CHIA: variants seen among roughly 807,000 people sequenced by gnomAD.
CHIA encodes the protein acidic mammalian chitinase.
CHIA carries 47 observed loss-of-function variants against 53.5 expected under a neutral mutation model. The observed-to-expected ratio is 0.88, with a 90% CI of 0.70 to 1.12. The LOEUF is 1.12. CHIA is among the 50% of genes most tolerant of loss of function. CHIA has a pLI of 0.00. For synonymous variants in CHIA, 268 were observed against 222.2 expected, an observed-to-expected ratio of 1.21 and a Z score of -1.83; for missense variants, 652 against 592.2, an observed-to-expected ratio of 1.10 and a Z score of -1.05.
chr1:111,315,878 T>G, intron 6 of CHIA: 1 of 442,768 alleles, frequency 2.3e-6, no homozygotes, highest in South Asian at 1.6e-5. Flanking sequence ...ACTGAGTACA[T>G]ATTCTGTGGC....
At chr1:111,315,629 T>C in intron 6 of CHIA, 194 bp downstream of exon 6, 1 of 606,546 alleles carries the variant, frequency 1.6e-6, no homozygotes, top group Non-Finnish European at 2.9e-6. Context: ...GTGAGCTCTG[T>C]GCCAGGCACT....
intron 1 of CHIA, among the ~76,000 whole-genome samples, chr1:111,291,836 G>GC (rs1163796998): frequency 6.6e-6 from 1 of 150,686 alleles, no homozygotes; most frequent in African/African-American, 2.5e-5. Context: ...CTGTCGGGGG[G>GC]GGGTGGGGGT....
intron 2 of CHIA, among the ~76,000 whole-genome samples, chr1:111,311,180 A>G (rs192240652): frequency 6.6e-6 from 1 of 152,350 alleles, no homozygotes; most frequent in Non-Finnish European, 1.5e-5. Flanking sequence ...ATTGCTTTGT[A>G]GAAGTCAGGG....
At chr1:111,304,528 T>C (rs1322705696) in intron 1 of CHIA, among the ~76,000 whole-genome samples, 2 of 152,212 alleles carry the variant, frequency 1.3e-5, no homozygotes, top group African/African-American at 4.8e-5. Context: ...CCCTTGAACC[T>C]TTCTAGTAAG....
chr1:111,310,779 T>C (rs1241616110), intron 2 of CHIA, among the ~76,000 whole-genome samples: 1 of 152,228 alleles, frequency 6.6e-6, no homozygotes, highest in Non-Finnish European at 1.5e-5. Flanking sequence ...TCATCTTTTG[T>C]TCAGCCATTC....
At chr1:111,298,128 C>T (rs934527918) in intron 1 of CHIA, among the ~76,000 whole-genome samples, 4 of 152,128 alleles carry the variant, frequency 2.6e-5, no homozygotes, top group African/African-American at 7.2e-5. Flanking sequence ...GACTTAGACT[C>T]CCACACAATA....
At chr1:111,294,795 T>C (rs1661240380) in intron 1 of CHIA, among the ~76,000 whole-genome samples, 1 of 152,244 alleles carries the variant, frequency 6.6e-6, no homozygotes, top group Admixed American at 6.5e-5. Flanking sequence ...GAGATGATTA[T>C]GCCATTTTTT....
chr1:111,304,981 C>A (rs1216283906), intron 1 of CHIA, among the ~76,000 whole-genome samples: 1 of 151,998 alleles, frequency 6.6e-6, no homozygotes, highest in Non-Finnish European at 1.5e-5. Context: ...TCAGGCTGGC[C>A]TCAAACTACT....
In CHIA at chr1:111,290,938, C is replaced by T. The variant is rs1660975679; in HGVS notation, c.-81C>T. The T allele has an allele frequency of 4.3e-6, 2 of 465,852 alleles. No individual in the cohort carries two copies. The highest frequency in any genetic ancestry group is 8.8e-6 in the Non-Finnish European group (2 of 226,254). The allele number at this position is 465,852 out of a possible 1,614,324, so 28.9% of individuals were successfully genotyped here. A position where few individuals can be genotyped will look rare whatever the true frequency, so the allele number is the denominator to read the frequency against. Reference sequence around the variant, plus strand: ...GTTGCTTTCCAGTCTGGTGGTGAATCCTCCATAGTCTGGTGAGTGTAAATA... The same window carrying T: ...GTTGCTTTCCAGTCTGGTGGTGAATTCTCCATAGTCTGGTGAGTGTAAATA... On this transcript the variant is annotated 5_prime_UTR_variant, in exon 1 of 12. Transcript: ENST00000369740.
Position 111,302,967 on chromosome 1 carries a change from G to A in CHIA, c.-68-7433G>A, listed in dbSNP as rs1297855891. Among the ~76,000 whole-genome samples, 4 of 152,082 alleles carry A rather than the reference G, an allele frequency of 2.6e-5. No individual in the cohort carries two copies. In the East Asian group the frequency reaches 5.8e-4, roughly 22 times the overall value. On this transcript the variant is annotated intron_variant, in intron 1 of 11. Transcript: ENST00000369740. ...GGTACATAAATGTTTGTAATTGTTCGATTCTTGCTGTATTAAACCTTGTAT... is the reference window on the plus strand; with the variant it reads ...GGTACATAAATGTTTGTAATTGTTCAATTCTTGCTGTATTAAACCTTGTAT...
chr1:111,313,675 CT>C (rs553772439), intron 4 of CHIA, among the ~76,000 whole-genome samples: 3 of 152,178 alleles, frequency 2.0e-5, no homozygotes, highest in Non-Finnish European at 4.4e-5. Context: ...TCTATTTTTG[CT>C]TTTGTTGCTG....
intron 1 of CHIA, among the ~76,000 whole-genome samples, chr1:111,297,901 CA>C (rs1188512345): frequency 0.24 from 7,584 of 31,556 alleles, 104 homozygotes; most frequent in Middle Eastern, 0.31. Context: ...AAATGGAAAG[CA>C]AAAAAAAAAA....
At chr1:111,308,608 G>A (rs776042401) in intron 1 of CHIA, among the ~76,000 whole-genome samples, 1 of 152,110 alleles carries the variant, frequency 6.6e-6, no homozygotes, top group African/African-American at 2.4e-5. Flanking sequence ...TTTGTGACCA[G>A]TCCTTGTGAA....
intron 11 of CHIA, among the ~76,000 whole-genome samples, chr1:111,319,879 C>T (rs538350329): frequency 6.6e-5 from 10 of 152,122 alleles, no homozygotes; most frequent in Admixed American, 1.3e-4. Context: ...AAATTTTTTC[C>T]AGATTTTTCC....
In CHIA at chr1:111,296,643, C is replaced by T. The variant is rs148251241; in HGVS notation, c.-69+5693C>T. 8.9e-3 allele frequency among the ~76,000 whole-genome samples: 1,359 copies of T among 152,302 alleles called. 19 individuals carry two copies. The highest frequency in any genetic ancestry group is 0.011 in the Non-Finnish European group (736 of 68,012). On this transcript the variant is annotated intron_variant, in intron 1 of 11. Coordinates refer to ENST00000369740, the MANE Select transcript of CHIA (RefSeq NM_201653.4). Reference sequence around the variant, plus strand: ...AAACAGAGCAGAAAAGCTGAAAATTCTAAAATCCAGAGCACCTCTTATCCT... The same window carrying T: ...AAACAGAGCAGAAAAGCTGAAAATTTTAAAATCCAGAGCACCTCTTATCCT...
In CHIA at chr1:111,315,445, GA is replaced by G. The variant is rs748180686; in HGVS notation, c.480+12del. ...CACTGTCCTGGTGCAGGTGGGGAAG[GA>G]AGTCCCAGTCTTTAGCCCAAAAAGA... On this transcript the variant is annotated intron_variant, in intron 6 of 11. Coordinates refer to ENST00000369740, the MANE Select transcript of CHIA (RefSeq NM_201653.4). The G allele has an allele frequency of 5.0e-6, 8 of 1,610,396 alleles. No individual in the cohort carries two copies. The South Asian group carries it at 8.8e-5, about 18-fold the overall frequency.
rs1191192279 is a variant in CHIA, at chr1:111,319,411, C to G, written c.1120C>G (p.Gln374Glu). The G allele has an allele frequency of 5.6e-6, 9 of 1,614,042 alleles. No homozygotes were observed. The African/African-American group carries it at 1.2e-4, about 22-fold the overall frequency. ...TGACTTCACTGGCACTTTCTGCAAC[C>G]AGGGCAAGTTTCCCCTAATCTCCAC... ...LDDFTGTFCN[Q>E]GKFPLISTLK... is the part of the protein sequence containing the mutation. Residue 374 changes from glutamine to glutamate, a missense_variant, in exon 11 of 12, where the codon CAG becomes GAG. Physicochemically the swap from Gln to Glu is conservative, Grantham distance 29. Coordinates refer to ENST00000369740, the MANE Select transcript of CHIA (RefSeq NM_201653.4).
intron 1 of CHIA, among the ~76,000 whole-genome samples, chr1:111,297,731 C>T (rs1309025123): frequency 6.6e-6 from 1 of 151,920 alleles, no homozygotes; most frequent in African/African-American, 2.4e-5. Context: ...AACATACTAA[C>T]ATTAAATGTA....
chr1:111,291,594 G>T (rs1192273974), intron 1 of CHIA, among the ~76,000 whole-genome samples: 2 of 152,018 alleles, frequency 1.3e-5, no homozygotes, highest in African/African-American at 4.8e-5. Context: ...GGGTTGATAG[G>T]TGCAGCAAAC....
Sources: gnomAD v4.1 joint callset for allele counts (sites outside exome capture counted in the v4.1 genomes callset) on GRCh38, gnomAD v4.1.1 for gene constraint, MANE v1.5 for transcripts, NCBI Gene and HGNC (gene_info 2026-07-23, HGNC 2026-07-21) for gene names.